Variants in GPRC5B observed in about 807,000 individuals in gnomAD.
GPRC5B encodes G protein-coupled receptor family C group 5 member B.
In GPRC5B, 16 loss-of-function variants were observed where a neutral mutation model predicts 30.1. The observed-to-expected ratio is 0.53, with a 90% CI of 0.36 to 0.81. The LOEUF (loss-of-function observed/expected upper bound fraction) is 0.81, where lower values mean the gene tolerates loss of function less well. GPRC5B is among the 30% of genes least tolerant of loss of function. GPRC5B has a pLI of 0.01. For missense variants in GPRC5B, 428 were observed against 544.7 expected, an observed-to-expected ratio of 0.79 and a Z score of 2.13; for synonymous variants, 241 against 239.5, an observed-to-expected ratio of 1.01 and a Z score of -0.06.
At position 19,871,927 on chromosome 16, in the gene GPRC5B, A is replaced by G. The variant is rs367885480; in HGVS notation, c.919T>C (p.Tyr307His). ...LPALQENTPN[Y>H]FDTSQPRMRE... ...ATCCTGGGCTGCGACGTGTCGAAGT[A>G]GTTGGGCGTGTTCTCCTGCAGGGCT... The change falls in exon 2 of 4, where the codon TAC becomes CAC. Residue 307 changes from tyrosine to histidine, a missense_variant. This residue lies in a region of GPRC5B where 213 missense variants were observed against 229.1 expected (regional missense o/e 0.93). Transcript: ENST00000300571. 1.2e-6 allele frequency: 2 copies of G among 1,613,994 alleles called. No individual in the cohort carries two copies. The highest frequency in any genetic ancestry group is 2.7e-5 in the African/African-American group (2 of 75,014).
intron 1 of GPRC5B, among the ~76,000 whole-genome samples, chr16:19,883,959 T>A (rs2056829142): frequency 6.6e-6 from 1 of 152,034 alleles, no homozygotes; most frequent in South Asian, 2.1e-4. Context: ...TGTGGGGTCC[T>A]TGTGGGGCTG....
intron 1 of GPRC5B, chr16:19,880,874 G>A (rs1364898770): frequency 6.6e-6 from 1 of 152,228 alleles, no homozygotes; most frequent in East Asian, 1.9e-4. Flanking sequence ...CTACCAGCAC[G>A]GCTCCACCCT....
At chr16:19,875,123 G>A (rs1308605837) in intron 1 of GPRC5B, among the ~76,000 whole-genome samples, 2 of 152,174 alleles carry the variant, frequency 1.3e-5, no homozygotes, top group Non-Finnish European at 2.9e-5. Context: ...TGCCCTGGCT[G>A]TGAGGCTTTC....
At chr16:19,862,190 C>A in intron 2 of GPRC5B, 1 of 539,640 alleles carries the variant, frequency 1.9e-6, no homozygotes, top group Non-Finnish European at 3.3e-6. Context: ...TTGGGAAAAG[C>A]TGCTGTAGAG....
chr16:19,865,538 C>T (rs771840765), intron 2 of GPRC5B, among the ~76,000 whole-genome samples: 2 of 152,306 alleles, frequency 1.3e-5, no homozygotes, highest in East Asian at 1.9e-4. Flanking sequence ...CACTTAAAGT[C>T]GCAGTTTACA....
chr16:19,865,655 A>G (rs902673774), intron 2 of GPRC5B, among the ~76,000 whole-genome samples: 2 of 152,210 alleles, frequency 1.3e-5, no homozygotes, highest in African/African-American at 4.8e-5. Context: ...TGAATTGATC[A>G]AAAGCCTGAA....
chr16:19,876,426 G>A (rs866855040), intron 1 of GPRC5B, among the ~76,000 whole-genome samples: 23 of 152,314 alleles, frequency 1.5e-4, no homozygotes, highest in South Asian at 6.2e-4. Context: ...AGAGAGAATC[G>A]ATGGGGAAGA....
rs1483488593 is a variant in GPRC5B at position 19,859,671 on chromosome 16, TAC to T, written c.*827_*828del. 2 of 152,230 alleles carry T rather than the reference TAC, an allele frequency of 1.3e-5. No homozygotes were observed. The highest frequency in any genetic ancestry group is 2.9e-5 in the Non-Finnish European group (2 of 68,068). 9.4% of individuals were successfully genotyped at this position (152,230 alleles called of 1,614,324 possible). A position where few individuals can be genotyped will look rare whatever the true frequency, so the allele number is the denominator to read the frequency against. ...ATAAAATTGGGAGAGGATTTGGAGA[TAC>T]ACCCGTAAGTGTAGGAACAGGGCGA... On this transcript the variant is annotated 3_prime_UTR_variant, in exon 4 of 4. Transcript: ENST00000300571.
intron 2 of GPRC5B, among the ~76,000 whole-genome samples, chr16:19,868,240 G>A (rs13330406): frequency 0.024 from 3,659 of 151,964 alleles, 132 homozygotes; most frequent in African/African-American, 0.083. Context: ...CAGGTGTGGT[G>A]GCACACGGCT....
chr16:19,864,708 A>C (rs754900168), intron 2 of GPRC5B, among the ~76,000 whole-genome samples: 6 of 152,256 alleles, frequency 3.9e-5, no homozygotes, highest in African/African-American at 7.2e-5. Flanking sequence ...CCAAGGGCTC[A>C]AGGATAAGGC....
intron 3 of GPRC5B, 76 bp from the exon 4 acceptor site, chr16:19,860,620 C>A (rs2056613305): frequency 2.2e-6 from 2 of 902,652 alleles, no homozygotes; most frequent in African/African-American, 1.7e-5. Context: ...GATGCGTAAA[C>A]AACGCGGCAA....
Position 19,884,789 on chromosome 16 carries a change from C to A in GPRC5B, c.-64G>T, listed in dbSNP as rs967634060. ...GCCTTCGGCCCGAGTCACATCTCTG[C>A]GGCGCGGCCGCGGCCCCCGCTCCAC... On this transcript the variant is annotated 5_prime_UTR_variant, in exon 1 of 4. Transcript: ENST00000300571. The A allele has an allele frequency of 8.2e-4, 806 of 984,320 alleles. 1 individual carries two copies. The highest frequency in any genetic ancestry group is 9.1e-4 in the Non-Finnish European group (753 of 829,356). The allele number at this position is 984,320 out of a possible 1,614,324, so 61.0% of individuals were successfully genotyped here.
intron 2 of GPRC5B, among the ~76,000 whole-genome samples, chr16:19,868,574 G>A (rs1388296376): frequency 2.0e-5 from 3 of 152,096 alleles, no homozygotes; most frequent in Admixed American, 1.3e-4. Context: ...TCCCAGTGCT[G>A]ATCTCTGTCC....
At chr16:19,884,182 TC>T (rs2056832257) in intron 1 of GPRC5B, among the ~76,000 whole-genome samples, 1 of 130,290 alleles carries the variant, frequency 7.7e-6, no homozygotes, top group Non-Finnish European at 1.6e-5. Flanking sequence ...CACCGCCGTG[TC>T]CCCCCCTCCC....
chr16:19,885,369 C>G, upstream of GPRC5B: 1 of 1,197,076 alleles, frequency 8.4e-7, no homozygotes, highest in Non-Finnish European at 1.1e-6. The surrounding 1 kb of genome is among the most constrained non-coding windows in gnomAD (Gnocchi z 5.3). Context: ...TCACCAACGC[C>G]CCGGTATACA....
intron 1 of GPRC5B, among the ~76,000 whole-genome samples, chr16:19,873,590 C>G (rs910518944): frequency 6.6e-6 from 1 of 152,062 alleles, no homozygotes; most frequent in African/African-American, 2.4e-5. Flanking sequence ...CTCAGCCTCT[C>G]GAGGCTAACA....
At chr16:19,871,192 G>A (rs1247426603) in intron 2 of GPRC5B, among the ~76,000 whole-genome samples, 1 of 143,832 alleles carries the variant, frequency 7.0e-6, no homozygotes, top group Non-Finnish European at 1.5e-5. Flanking sequence ...GCTGAGTTGG[G>A]AGGATTGCTT....
At chr16:19,869,043 T>C (rs975659679) in intron 2 of GPRC5B, among the ~76,000 whole-genome samples, 12 of 152,218 alleles carry the variant, frequency 7.9e-5, no homozygotes, top group Middle Eastern at 6.8e-3. Context: ...ATATTTATAA[T>C]AGTGGCCGGG....
intron 2 of GPRC5B, among the ~76,000 whole-genome samples, chr16:19,866,577 G>A (rs535697438): frequency 1.7e-4 from 26 of 151,230 alleles, no homozygotes; most frequent in African/African-American, 6.3e-4. Flanking sequence ...CAGGGGTGTC[G>A]CCACGTTGCC....
Sources: gnomAD v4.1 joint callset for allele counts (sites outside exome capture counted in the v4.1 genomes callset) on GRCh38, gnomAD v4.1.1 for gene constraint, gnomAD v4.1.1 regional missense constraint, Gnocchi (gnomAD v3.1) non-coding constraint, MANE v1.5 for transcripts, NCBI Gene and HGNC (gene_info 2026-07-23, HGNC 2026-07-21) for gene names.